The following CPAMD8 variants were observed in gnomAD, a reference collection of about 807,000 sequenced individuals.
The protein encoded by CPAMD8 is C3 and PZP-like alpha-2-macroglobulin domain-containing protein 8.
A neutral mutation model predicts 224.7 loss-of-function variants in CPAMD8; 146 were observed. That is an observed-to-expected ratio of 0.65 (90% confidence interval 0.57 to 0.75). The LOEUF is 0.75. Ranked by LOEUF, CPAMD8 falls within the 30% of genes least tolerant of loss-of-function variation. The pLI is 0.00. For missense variants in CPAMD8, 2,301 were observed against 2,537.5 expected (o/e 0.91, Z 2.00); for synonymous variants, 966 against 1,044.6 (o/e 0.92, Z 1.45).
chr19:17,023,509 G>C (rs181689094), intron 1 of CPAMD8, among the ~76,000 whole-genome samples: 3 of 152,020 alleles, frequency 2.0e-5, no homozygotes, highest in African/African-American at 7.2e-5. Flanking sequence ...GGGTAAAGGG[G>C]GAAACTGGAC....
Position 17,008,549 on chromosome 19 carries a change from C to T in CPAMD8, c.515G>A (p.Gly172Asp). Residue 172 changes from glycine to aspartate, a missense_variant, in exon 7 of 42, where the codon GGC (glycine) becomes GAC (aspartate). Physicochemically the swap from Gly to Asp is moderately conservative, Grantham distance 94. This residue lies in a region of CPAMD8 where 283 missense variants were observed against 340.6 expected (regional missense o/e 0.83). Transcript: ENST00000443236. ...GTGTCTCCACTCTATCATCCGAGAG[C>T]CTCGGGGGTCCTGTTGGTGGTGGAG... is the stretch of plus-strand genomic sequence containing the variant. Reference protein sequence around the residue: ...KLEAYILDPRGSRMIEWRHLK... With the variant: ...KLEAYILDPRDSRMIEWRHLK... 1.2e-6 allele frequency: 2 copies of T among 1,613,992 alleles called. No individual in the cohort carries two copies. The highest frequency in any genetic ancestry group is 1.7e-6 in the Non-Finnish European group (2 of 1,180,038).
intron 7 of CPAMD8, among the ~76,000 whole-genome samples, chr19:17,007,601 C>T (rs59814510): frequency 0.061 from 9,236 of 152,116 alleles, 335 homozygotes; most frequent in East Asian, 0.17. Flanking sequence ...AACAGACCCC[C>T]GTGATCCTGC....
Position 16,928,525 on chromosome 19 carries a change from T to G in CPAMD8, c.3145-291A>C, listed in dbSNP as rs189136317. On this transcript the variant is annotated intron_variant, in intron 24 of 41. Coordinates refer to ENST00000443236, the MANE Select transcript of CPAMD8 (RefSeq NM_015692.5). The stretch of plus-strand genomic sequence containing the variant: ...GCCTAGAGAACCTACTCTGCTTCCA[T>G]TTTGCCTAGCGAACTCCTATTCATA... Among the ~76,000 whole-genome samples, 341 of 152,310 alleles carry G rather than the reference T, an allele frequency of 2.2e-3. 1 individual carries two copies. The highest frequency in any genetic ancestry group is 7.8e-3 in the African/African-American group (326 of 41,570).
At chr19:17,016,881 C>G (rs2056826144) in intron 3 of CPAMD8, among the ~76,000 whole-genome samples, 1 of 150,820 alleles carries the variant, frequency 6.6e-6, no homozygotes, top group East Asian at 1.9e-4. Flanking sequence ...AAAGGGAGTT[C>G]TAGGGTCTTT....
intron 18 of CPAMD8, among the ~76,000 whole-genome samples, chr19:16,963,678 C>G (rs146768238): frequency 9.2e-5 from 14 of 152,294 alleles, no homozygotes; most frequent in Non-Finnish European, 1.9e-4. Context: ...GAACTCAGCT[C>G]TGCACCAAGC....
chr19:16,972,966 C>T (rs1393326189), intron 17 of CPAMD8, among the ~76,000 whole-genome samples: 1 of 152,122 alleles, frequency 6.6e-6, no homozygotes, highest in African/African-American at 2.4e-5. Flanking sequence ...CCCAGGAGTT[C>T]AAGACTAGCC....
intron 41 of CPAMD8, chr19:16,895,888 C>G (rs1165578204): frequency 1.9e-6 from 1 of 533,612 alleles, no homozygotes; most frequent in Middle Eastern, 4.3e-4. Context: ...CCCGTATGCG[C>G]GCGCGCGCGC....
intron 23 of CPAMD8, among the ~76,000 whole-genome samples, chr19:16,934,805 A>G (rs2053638537): frequency 6.6e-6 from 1 of 152,150 alleles, no homozygotes; most frequent in Non-Finnish European, 1.5e-5. Flanking sequence ...TTGTGGTAAA[A>G]TATATATAAC....
intron 8 of CPAMD8, among the ~76,000 whole-genome samples, chr19:17,003,552 G>A (rs987762423): frequency 2.6e-5 from 4 of 151,320 alleles, no homozygotes; most frequent in African/African-American, 4.9e-5. Flanking sequence ...AGGCTGAGGC[G>A]GAAGGATTGC....
intron 18 of CPAMD8, among the ~76,000 whole-genome samples, chr19:16,961,713 C>G (rs2054663269): frequency 6.6e-6 from 1 of 152,360 alleles, no homozygotes; most frequent in Non-Finnish European, 1.5e-5. Flanking sequence ...ACTGCCTCCT[C>G]AAGTGGGTCC....
rs1599910085 is a variant in CPAMD8, at chr19:17,011,715, C to T, written c.310G>A (p.Gly104Ser). The T allele has an allele frequency of 6.2e-7, 1 of 1,613,914 alleles. No individual in the cohort carries two copies. Among genetic ancestry groups the T allele is most frequent in the African/African-American group, 1.3e-5 (1 of 74,918 alleles). ...CCCTCCTCCGCCTGCCAGCCGCGGCCCCACACTTTCAGAAGCGCTTGGCCC... is the reference window on the plus strand; with the variant it reads ...CCCTCCTCCGCCTGCCAGCCGCGGCTCCACACTTTCAGAAGCGCTTGGCCC... ...LRGQALLKVW[G>S]RGWQAEEGPL... is the part of the protein sequence containing the mutation. The change falls in exon 4 of 42, where the codon GGC (glycine) becomes AGC (serine). Residue 104 changes from glycine to serine, a missense_variant. Gly to Ser is a moderately conservative substitution (Grantham distance 56). Transcript: ENST00000443236.
chr19:16,916,579 A>G (rs113216352), intron 27 of CPAMD8, among the ~76,000 whole-genome samples: 292 of 151,942 alleles, frequency 1.9e-3, no homozygotes, highest in African/African-American at 6.3e-3. Flanking sequence ...TCCACTAAAA[A>G]TAAAAAAAAA....
At chr19:16,970,238 CAAA>C (rs34399675) in intron 18 of CPAMD8, among the ~76,000 whole-genome samples, 8 of 92,648 alleles carry the variant, frequency 8.6e-5, no homozygotes, top group Non-Finnish European at 4.2e-5. Flanking sequence ...GACTCTGTCT[CAAA>C]AAAAAAAAAA....
chr19:16,994,853 G>A (rs1310070034), intron 11 of CPAMD8, among the ~76,000 whole-genome samples: 4 of 152,066 alleles, frequency 2.6e-5, no homozygotes, highest in Admixed American at 2.0e-4. Flanking sequence ...ATGTTGCCCA[G>A]GCTGGTCTCA....
At chr19:16,918,713 G>T (rs1215641695) in intron 27 of CPAMD8, among the ~76,000 whole-genome samples, 1 of 149,332 alleles carries the variant, frequency 6.7e-6, no homozygotes, top group African/African-American at 2.5e-5. Context: ...TCCCCAAAGT[G>T]CAGGGATGAC....
chr19:16,947,830 CGT>C (rs1237751139), intron 20 of CPAMD8, among the ~76,000 whole-genome samples: 40 of 152,070 alleles, frequency 2.6e-4, no homozygotes, highest in Admixed American at 2.0e-3. Context: ...GATATGCATT[CGT>C]GTGTGTGTGT....
chr19:16,897,614 C>T, intron 39 of CPAMD8, 77 bp downstream of exon 39: 1 of 805,786 alleles, frequency 1.2e-6, no homozygotes, highest in Non-Finnish European at 1.9e-6. Context: ...CCCAGGGGAG[C>T]CCTCCCTGGC....
chr19:17,016,679 G>T (rs2056820129), intron 3 of CPAMD8, among the ~76,000 whole-genome samples: 1 of 152,114 alleles, frequency 6.6e-6, no homozygotes, highest in African/African-American at 2.4e-5. Flanking sequence ...AAAATCACTT[G>T]AACCCAGGAG....
intron 18 of CPAMD8, among the ~76,000 whole-genome samples, chr19:16,966,010 A>C (rs1259400594): frequency 6.6e-6 from 1 of 152,188 alleles, no homozygotes; most frequent in Non-Finnish European, 1.5e-5. Context: ...TTCATATGGA[A>C]CCAAAAAGAG....
Sources: allele counts gnomAD v4.1 joint callset (sites outside exome capture counted in the v4.1 genomes callset), GRCh38; gene constraint gnomAD v4.1.1; regional missense constraint gnomAD v4.1.1; transcripts MANE v1.5; gene names NCBI Gene and HGNC (gene_info 2026-07-23, HGNC 2026-07-21).